The following RPRD2 variants were observed in gnomAD, a reference collection of about 807,000 sequenced individuals.
RPRD2 encodes regulation of nuclear pre-mRNA domain containing 2, also known as regulation of nuclear pre-mRNA domain-containing protein 2.
In RPRD2, 12 loss-of-function variants were observed where a neutral mutation model predicts 104.4. The observed-to-expected ratio is 0.11, with a 90% CI of 0.07 to 0.19. The LOEUF is 0.19. Ranked by LOEUF, RPRD2 falls within the 10% of genes least tolerant of loss-of-function variation. RPRD2 has a pLI of 1.00. For missense variants in RPRD2, 1,543 were observed against 1,790.1 expected (o/e 0.86, Z 2.49); for synonymous variants, 714 against 684.9 (o/e 1.04, Z -0.66).
intron 7 of RPRD2, among the ~76,000 whole-genome samples, chr1:150,450,248 A>G (rs1667060515): frequency 6.6e-6 from 1 of 152,016 alleles, no homozygotes; most frequent in African/African-American, 2.4e-5. Flanking sequence ...CCATTATCCA[A>G]AATGTTTTAG....
intron 2 of RPRD2, among the ~76,000 whole-genome samples, chr1:150,433,475 C>G (rs1206456529): frequency 8.4e-6 from 1 of 119,294 alleles, no homozygotes; most frequent in African/African-American, 3.3e-5. Flanking sequence ...GACGGAGTCT[C>G]GCTCTGTCAC....
intron 7 of RPRD2, among the ~76,000 whole-genome samples, chr1:150,452,448 C>G (rs1300182131): frequency 6.6e-6 from 1 of 152,074 alleles, no homozygotes; most frequent in Admixed American, 6.6e-5. Flanking sequence ...ACTAATATAC[C>G]AATTAATGAA....
In RPRD2 at chr1:150,475,618, T is replaced by C. The variant is rs1454285188; in HGVS notation, c.*2284T>C. On this transcript the variant is annotated 3_prime_UTR_variant, in exon 11 of 11. Coordinates refer to ENST00000369068, the MANE Select transcript of RPRD2 (RefSeq NM_015203.5). ...GCCACAAAATCCTCAATATGTTTGT[T>C]TTAGGATGGAAGTGAGGATTTGTAT... is the stretch of plus-strand genomic sequence containing the variant. The C allele has an allele frequency of 6.6e-6, 1 of 152,566 alleles. No homozygotes were observed. The highest frequency in any genetic ancestry group is 6.5e-5 in the Admixed American group (1 of 15,272). 9.5% of individuals were successfully genotyped at this position (152,566 alleles called of 1,614,324 possible).
rs587744975 is a variant in RPRD2 at position 150,373,759 on chromosome 1, A to G, written c.205+8840A>G. ...ACAATTCAATTGTTTTAGTATATTCATAGAGTTGTTCAGCAATCACCATAG... is the reference window on the plus strand; with the variant it reads ...ACAATTCAATTGTTTTAGTATATTCGTAGAGTTGTTCAGCAATCACCATAG... On this transcript the variant is annotated intron_variant, in intron 1 of 10. Coordinates refer to ENST00000369068, the MANE Select transcript of RPRD2 (RefSeq NM_015203.5). Among the ~76,000 whole-genome samples the G allele has an allele frequency of 3.3e-5, 5 of 152,266 alleles. No homozygotes were observed. In the South Asian group the frequency reaches 8.3e-4, roughly 25 times the overall value.
chr1:150,398,531 T>G (rs891775096), intron 1 of RPRD2, among the ~76,000 whole-genome samples: 1 of 151,116 alleles, frequency 6.6e-6, no homozygotes, highest in Non-Finnish European at 1.5e-5. Flanking sequence ...CTTCTTTCCT[T>G]CCTTCCTTTC....
At chr1:150,455,060 G>A (rs1667433277) in intron 7 of RPRD2, among the ~76,000 whole-genome samples, 1 of 152,184 alleles carries the variant, frequency 6.6e-6, no homozygotes, top group Non-Finnish European at 1.5e-5. Flanking sequence ...TTGATATGGT[G>A]TGATCGCAGT....
intron 10 of RPRD2, among the ~76,000 whole-genome samples, chr1:150,466,610 G>A (rs967037660): frequency 2.7e-5 from 4 of 150,528 alleles, no homozygotes; most frequent in African/African-American, 7.3e-5. Flanking sequence ...TTTTATAGAG[G>A]CTTCATTATT....
intron 9 of RPRD2, among the ~76,000 whole-genome samples, chr1:150,464,194 G>T (rs1668113609): frequency 6.6e-6 from 1 of 151,726 alleles, no homozygotes; most frequent in South Asian, 2.1e-4. Context: ...TTTTTGGTAG[G>T]GACAGGGTTT....
chr1:150,428,454 CA>C (rs34596290), intron 2 of RPRD2, among the ~76,000 whole-genome samples: 1,527 of 71,186 alleles, frequency 0.021, 12 homozygotes, highest in African/African-American at 0.057. Flanking sequence ...GACTCTGTCT[CA>C]AAAAAAAAAA....
chr1:150,411,955 T>C (rs1276850555), intron 1 of RPRD2, among the ~76,000 whole-genome samples: 1 of 151,572 alleles, frequency 6.6e-6, no homozygotes, highest in Non-Finnish European at 1.5e-5. Flanking sequence ...GTAAACCCTG[T>C]CTACTAAAAA....
Position 150,417,468 on chromosome 1 carries a change from A to G in RPRD2, c.206-128A>G, listed in dbSNP as rs1664429564. On this transcript the variant is annotated intron_variant, in intron 1 of 10. Coordinates refer to ENST00000369068, the MANE Select transcript of RPRD2 (RefSeq NM_015203.5). ...CCCTTCCATCCATGTAATTACATTC[A>G]TCTTTTTATATCCATGTAAGAAAAA... The G allele has an allele frequency of 7.4e-6, 5 of 676,150 alleles. No homozygotes were observed. The East Asian group carries it at 8.5e-5, about 11-fold the overall frequency. The allele number at this position is 676,150 out of a possible 1,614,324, so 41.9% of individuals were successfully genotyped here. A position where few individuals can be genotyped will look rare whatever the true frequency, so the allele number is the denominator to read the frequency against.
rs782572087 is a variant in RPRD2 at position 150,364,843 on chromosome 1, C to T, written c.129C>T (p.Gly43=). Residue 43 remains glycine (G), a synonymous_variant, in exon 1 of 11, where the codon GGC becomes GGT. Transcript: ENST00000369068. ...CCAACACCATGGAGTCCATTCAAGG[C>T]TTGTCGTCTTGGTGTATAGAGAACA... ...SVTNTMESIQ[G]LSSWCIENKK... 6.2e-7 allele frequency: 1 copy of T among 1,613,800 alleles called. No individual in the cohort carries two copies. The highest frequency in any genetic ancestry group is 8.5e-7 in the Non-Finnish European group (1 of 1,179,698).
At chr1:150,464,826 G>A (rs1328513735) in intron 10 of RPRD2, 99 bp downstream of exon 10, 1 of 666,094 alleles carries the variant, frequency 1.5e-6, no homozygotes, top group Non-Finnish European at 2.4e-6. Flanking sequence ...GCCATAAAAT[G>A]TATAACACAG....
chr1:150,379,144 A>G (rs1426234423), intron 1 of RPRD2, among the ~76,000 whole-genome samples: 1 of 151,366 alleles, frequency 6.6e-6, no homozygotes. Flanking sequence ...TTAGACCGTC[A>G]TGGTGGCGTG....
At chr1:150,381,147 G>C (rs939273478) in intron 1 of RPRD2, among the ~76,000 whole-genome samples, 10 of 152,028 alleles carry the variant, frequency 6.6e-5, no homozygotes, top group African/African-American at 2.4e-4. Flanking sequence ...AATTGTCAGG[G>C]TGTGCTGGCT....
At chr1:150,451,670 G>A (rs1365874405) in intron 7 of RPRD2, among the ~76,000 whole-genome samples, 12 of 93,056 alleles carry the variant, frequency 1.3e-4, no homozygotes, top group African/African-American at 4.6e-4. Flanking sequence ...GCAAGACTCC[G>A]TCTCAAAAAA....
intron 2 of RPRD2, among the ~76,000 whole-genome samples, chr1:150,423,163 T>TA (rs1664877911): frequency 6.6e-6 from 1 of 152,186 alleles, no homozygotes; most frequent in Non-Finnish European, 1.5e-5. Context: ...TGCCAGTTTA[T>TA]CTGAATATAC....
At chr1:150,464,062 A>G (rs2102422410) in intron 9 of RPRD2, among the ~76,000 whole-genome samples, 1 of 152,216 alleles carries the variant, frequency 6.6e-6, no homozygotes, top group South Asian at 2.1e-4. Flanking sequence ...ACAGAGTCTC[A>G]CTGTGTCTCA....
At chr1:150,382,600 C>T (rs1661220622) in intron 1 of RPRD2, among the ~76,000 whole-genome samples, 1 of 152,180 alleles carries the variant, frequency 6.6e-6, no homozygotes, top group South Asian at 2.1e-4. Flanking sequence ...CTCAGGCAAT[C>T]TGCCTGCCTC....
Sources: gnomAD v4.1 joint callset for allele counts (sites outside exome capture counted in the v4.1 genomes callset) on GRCh38, gnomAD v4.1.1 for gene constraint, MANE v1.5 for transcripts, NCBI Gene and HGNC (gene_info 2026-07-23, HGNC 2026-07-21) for gene names.